The following RNF130 variants were observed in gnomAD, a reference collection of about 807,000 sequenced individuals.
The protein encoded by RNF130 is E3 ubiquitin-protein ligase RNF130.
In RNF130, 21 loss-of-function variants were observed where a neutral mutation model predicts 44.6. The observed-to-expected ratio is 0.47, with a 90% CI of 0.33 to 0.68. RNF130 has a LOEUF of 0.68. Ranked by LOEUF, RNF130 falls within the 30% of genes least tolerant of loss-of-function variation. RNF130 has a pLI of 0.02. For missense variants in RNF130, 479 were observed against 560.6 expected, an observed-to-expected ratio of 0.85 and a Z score of 1.47; for synonymous variants, 214 against 210.4, an observed-to-expected ratio of 1.02 and a Z score of -0.15.
At chr5:179,972,730 C>T (rs186514340) in intron 5 of RNF130, among the ~76,000 whole-genome samples, 5 of 152,108 alleles carry the variant, frequency 3.3e-5, no homozygotes, top group Admixed American at 1.3e-4. Context: ...CTTATTGTTC[C>T]GTCTTTCTTT....
intron 1 of RNF130, 130 bp from the exon 2 acceptor site, chr5:180,040,777 T>C (rs1262319680): frequency 5.5e-6 from 4 of 728,432 alleles, no homozygotes; most frequent in Non-Finnish European, 8.9e-6. Flanking sequence ...AGCAGAGCTA[T>C]GAATACATCC....
In RNF130 at chr5:179,933,173, T is replaced by C. The variant is rs1381386514; in HGVS notation, c.1151-12747A>G. Among the ~76,000 whole-genome samples, 7 of 152,330 alleles carry C rather than the reference T, an allele frequency of 4.6e-5. No individual in the cohort carries two copies. The South Asian group carries it at 1.4e-3, about 32-fold the overall frequency. The stretch of plus-strand genomic sequence containing the variant: ...GTCTCAGGACAAATTTGTGGAAGAC[T>C]GGTGCTACTTTTTCCCTCAAAAGTT... On this transcript the variant is annotated intron_variant, in intron 7 of 7. Transcript: ENST00000522208.
chr5:180,069,415 C>G (rs1300158275), intron 1 of RNF130, among the ~76,000 whole-genome samples: 1 of 152,096 alleles, frequency 6.6e-6, no homozygotes, highest in African/African-American at 2.4e-5. Flanking sequence ...CACCCTCACC[C>G]CCACCCCGAG....
chr5:180,051,374 C>T (rs1441539858), intron 1 of RNF130, among the ~76,000 whole-genome samples: 4 of 151,666 alleles, frequency 2.6e-5, no homozygotes, highest in South Asian at 4.2e-4. Context: ...CTCAGCCTCC[C>T]GAGTAGCTGG....
At position 179,966,906 on chromosome 5, in the gene RNF130, G is replaced by A. The variant is rs1337979542; in HGVS notation, c.1050C>T (p.Asn350=). 2 of 1,614,132 alleles carry A rather than the reference G, an allele frequency of 1.2e-6. No individual in the cohort carries two copies. Among genetic ancestry groups the A allele is most frequent in the East Asian group, 2.2e-5 (1 of 44,896 alleles). The change falls in exon 7 of 9, where the codon AAC becomes AAT. Residue 350 remains asparagine (N), a synonymous_variant. Transcript: ENST00000521389. ...TTCGAAGTGGCTCAAGGCCAAGGGA[G>A]TTGTCGCCGGCGAGGTCGCCGAGGG... is the stretch of plus-strand genomic sequence containing the variant. ...RSALGDLAGD[N]SLGLEPLRTS... is the part of the protein sequence containing the mutation.
chr5:180,017,983 G>C (rs1026048452), intron 2 of RNF130, among the ~76,000 whole-genome samples: 2 of 152,162 alleles, frequency 1.3e-5, no homozygotes, highest in African/African-American at 4.8e-5. Flanking sequence ...ATAAATACCT[G>C]AGACTGGGTA....
chr5:179,941,061 T>C (rs374487020), intron 7 of RNF130, among the ~76,000 whole-genome samples: 3 of 152,206 alleles, frequency 2.0e-5, no homozygotes, highest in East Asian at 1.9e-4. Flanking sequence ...TTTCCACTTA[T>C]TGGTCATTGG....
chr5:179,965,921 C>T (rs1478021319), intron 7 of RNF130, among the ~76,000 whole-genome samples: 2 of 152,172 alleles, frequency 1.3e-5, no homozygotes, highest in African/African-American at 4.8e-5. Flanking sequence ...TTCACTGACT[C>T]CCAGACTGGA....
chr5:179,976,597 GT>G, intron 5 of RNF130, among the ~76,000 whole-genome samples: 1 of 152,002 alleles, frequency 6.6e-6, no homozygotes, highest in East Asian at 1.9e-4. Flanking sequence ...CTTACATTTA[GT>G]TTTATAGATT....
chr5:179,920,842 T>G (rs1233994851), intron 7 of RNF130, among the ~76,000 whole-genome samples: 1 of 150,264 alleles, frequency 6.7e-6, no homozygotes, highest in East Asian at 1.9e-4. Context: ...CAGACTGGAG[T>G]GCAGTAGTGT....
At chr5:179,952,651 A>G (rs73342289), downstream of RNF130, among the ~76,000 whole-genome samples, 1 of 152,328 alleles carries the variant, frequency 6.6e-6, no homozygotes, top group African/African-American at 2.4e-5. Flanking sequence ...GTACATTATG[A>G]CCAAGTGGGA....
downstream of RNF130, among the ~76,000 whole-genome samples, chr5:179,951,618 A>G (rs760446800): frequency 2.6e-5 from 4 of 152,154 alleles, no homozygotes; most frequent in Non-Finnish European, 5.9e-5. Context: ...CAGAATATGT[A>G]CATTCTTAAG....
chr5:180,041,495 T>C (rs1397232846), intron 1 of RNF130, among the ~76,000 whole-genome samples: 1 of 152,024 alleles, frequency 6.6e-6, no homozygotes, highest in East Asian at 1.9e-4. Context: ...TCTGCACATA[T>C]GGCCATCATG....
In RNF130 at chr5:179,977,326, G is replaced by C. The variant is rs190200455; in HGVS notation, c.848+877C>G. 2 of 152,348 alleles carry C rather than the reference G, an allele frequency of 1.3e-5. No individual in the cohort carries two copies. The highest frequency in any genetic ancestry group is 1.3e-4 in the Admixed American group (2 of 15,304). The allele number at this position is 152,348 out of a possible 1,614,324, so 9.4% of individuals were successfully genotyped here. A position where few individuals can be genotyped will look rare whatever the true frequency, so the allele number is the denominator to read the frequency against. Reference sequence around the variant, plus strand: ...AGATTTAATCCAAGTCCCTGGAGTTGTTGTACCCAGAGCCAGGTGAGCTCG... The same window carrying C: ...AGATTTAATCCAAGTCCCTGGAGTTCTTGTACCCAGAGCCAGGTGAGCTCG... On this transcript the variant is annotated intron_variant, in intron 5 of 8. Coordinates refer to ENST00000521389, the MANE Select transcript of RNF130 (RefSeq NM_018434.6). The surrounding 1 kb of genome is among the most constrained non-coding windows in gnomAD (Gnocchi z 4.1).
intron 3 of RNF130, among the ~76,000 whole-genome samples, chr5:179,997,976 A>C (rs1003397532): frequency 5.3e-5 from 8 of 151,330 alleles, no homozygotes; most frequent in African/African-American, 1.9e-4. Context: ...CGAGTAGCTG[A>C]GACTACAGGT....
At chr5:179,938,878 T>C (rs1761934264) in intron 7 of RNF130, among the ~76,000 whole-genome samples, 1 of 152,156 alleles carries the variant, frequency 6.6e-6, no homozygotes, top group African/African-American at 2.4e-5. Flanking sequence ...GAAAAGCCGA[T>C]TCATGCTGGC....
chr5:180,058,972 C>G, intron 1 of RNF130, among the ~76,000 whole-genome samples: 1 of 152,224 alleles, frequency 6.6e-6, no homozygotes, highest in Admixed American at 6.5e-5. Context: ...TCAATTTATA[C>G]GTTATTTTAC....
At chr5:179,954,130 G>A (rs569084635), downstream of RNF130, among the ~76,000 whole-genome samples, 6 of 152,298 alleles carry the variant, frequency 3.9e-5, no homozygotes, top group South Asian at 4.1e-4. Context: ...ATTGCAACCC[G>A]CATACTCTCT....
At position 180,056,045 on chromosome 5, in the gene RNF130, C is replaced by T. The variant is rs566156530; in HGVS notation, c.248-15398G>A. On this transcript the variant is annotated intron_variant, in intron 1 of 8. Coordinates refer to ENST00000521389, the MANE Select transcript of RNF130 (RefSeq NM_018434.6). ...GTTGCAGTGAGCTGAGATGGTGTCA[C>T]CGTACTCTGGCCTGGGCGACAGAGC... Among the ~76,000 whole-genome samples, 3 of 152,086 alleles carry T rather than the reference C, an allele frequency of 2.0e-5. No individual in the cohort carries two copies. In the South Asian group the frequency reaches 6.2e-4, roughly 32 times the overall value.
Sources: gnomAD v4.1 joint callset for allele counts (sites outside exome capture counted in the v4.1 genomes callset) on GRCh38, gnomAD v4.1.1 for gene constraint, Gnocchi (gnomAD v3.1) non-coding constraint, MANE v1.5 for transcripts, NCBI Gene and HGNC (gene_info 2026-07-23, HGNC 2026-07-21) for gene names.